Variants in DNAI3 observed in about 807,000 individuals in gnomAD.
DNAI3 encodes WD repeat domain 63.
In DNAI3, 83 loss-of-function variants were observed where a neutral mutation model predicts 115.5. That is an observed-to-expected ratio of 0.72 (90% CI 0.60 to 0.86). DNAI3 has a LOEUF of 0.86. Among genes scored for constraint, DNAI3 ranks in the 40% least tolerant of loss-of-function variants. DNAI3 has a pLI of 0.00. For synonymous variants in DNAI3, 320 were observed against 347.0 expected (o/e 0.92, Z 0.86); for missense variants, 1,004 against 1,075.8 (o/e 0.93, Z 0.93).
intron 12 of DNAI3, 44 bp downstream of exon 12, chr1:85,097,699 A>G (rs773749686): frequency 3.2e-6 from 5 of 1,546,768 alleles, no homozygotes; most frequent in Non-Finnish European, 4.4e-6. Flanking sequence ...TTTCCATTGA[A>G]GAGTTTATGG....
chr1:85,068,457 C>A (rs1344676484), intron 1 of DNAI3, among the ~76,000 whole-genome samples: 1 of 152,188 alleles, frequency 6.6e-6, no homozygotes, highest in African/African-American at 2.4e-5. Flanking sequence ...ATATCACTTT[C>A]ACCTGCCTGA....
intron 16 of DNAI3, among the ~76,000 whole-genome samples, chr1:85,114,622 T>G (rs1259918156): frequency 6.6e-6 from 1 of 152,146 alleles, no homozygotes; most frequent in Non-Finnish European, 1.5e-5. Flanking sequence ...TTTCAAGACT[T>G]TGAGATCAAC....
intron 5 of DNAI3, among the ~76,000 whole-genome samples, chr1:85,084,250 GTATA>G (rs33956396): frequency 0.27 from 22,512 of 84,854 alleles, 2,133 homozygotes; most frequent in East Asian, 0.52. Flanking sequence ...TCAGCAGTGT[GTATA>G]TATATATATA....
intron 11 of DNAI3, 84 bp from the exon 12 acceptor site, chr1:85,097,485 G>C (rs1479214716): frequency 1.2e-5 from 16 of 1,289,094 alleles, no homozygotes; most frequent in Non-Finnish European, 1.7e-5. Flanking sequence ...GACTTATCAG[G>C]CTACAAACCA....
chr1:85,090,066 G>T (rs768342283), intron 7 of DNAI3, 50 bp from the exon 8 acceptor site: 4 of 932,658 alleles, frequency 4.3e-6, no homozygotes, highest in Non-Finnish European at 4.7e-6. Context: ...GCCCATATTT[G>T]CTCTTCTTTG....
chr1:85,094,276 TG>T, intron 9 of DNAI3, 154 bp from the exon 10 acceptor site: 2 of 961,602 alleles, frequency 2.1e-6, no homozygotes, highest in Non-Finnish European at 3.1e-6. Context: ...ATGTAACTAG[TG>T]GCAACCACAT....
chr1:85,117,665 G>A (rs896625564), intron 16 of DNAI3, 64 bp from the exon 17 acceptor site: 36 of 1,590,384 alleles, frequency 2.3e-5, no homozygotes, highest in Non-Finnish European at 3.1e-5. Flanking sequence ...AATGTAAACT[G>A]TCTATATTTT....
chr1:85,085,398 G>C (rs1654767882), intron 6 of DNAI3, among the ~76,000 whole-genome samples: 1 of 152,198 alleles, frequency 6.6e-6, no homozygotes, highest in Non-Finnish European at 1.5e-5. Flanking sequence ...CCCCAGAAGA[G>C]AACATGACAA....
At position 85,093,102 on chromosome 1, in the gene DNAI3, C is replaced by T. The variant is rs753298252; in HGVS notation, c.858-356C>T. 3.7e-4 allele frequency among the ~76,000 whole-genome samples: 56 copies of T among 152,166 alleles called. 1 individual carries two copies. Among genetic ancestry groups the T allele is most frequent in the Non-Finnish European group, 1.2e-4 (8 of 68,028 alleles). On this transcript the variant is annotated intron_variant, in intron 8 of 22. Coordinates refer to ENST00000294664, the MANE Select transcript of DNAI3 (RefSeq NM_145172.5). Reference sequence around the variant, plus strand: ...GCATCAGACAAATTCTCAGCCTACTCAGCAGGAGCTCCAGAGCAAAGATGC... The same window carrying T: ...GCATCAGACAAATTCTCAGCCTACTTAGCAGGAGCTCCAGAGCAAAGATGC...
At chr1:85,084,050 T>C (rs1328687408) in intron 5 of DNAI3, among the ~76,000 whole-genome samples, 6 of 151,334 alleles carry the variant, frequency 4.0e-5, no homozygotes, top group African/African-American at 7.3e-5. Flanking sequence ...TTATAACTGC[T>C]CTATGGAATT....
intron 1 of DNAI3, among the ~76,000 whole-genome samples, chr1:85,070,503 T>A (rs948389101): frequency 6.6e-6 from 1 of 151,984 alleles, no homozygotes; most frequent in African/African-American, 2.4e-5. Flanking sequence ...GTTTTTCTCA[T>A]TATAAAATGG....
chr1:85,097,671 CAT>C lies in DNAI3; in HGVS notation c.1350+17_1350+18del. ...CACACTGAAGGTAAGCTTTTTACAA[CAT>C]TTCACTTGCAAGTTTTTTCCATTGA... On this transcript the variant is annotated intron_variant, in intron 12 of 22. Coordinates refer to ENST00000294664, the MANE Select transcript of DNAI3 (RefSeq NM_145172.5). 1 of 1,596,656 alleles carries C rather than the reference CAT, an allele frequency of 6.3e-7. No homozygotes were observed. The highest frequency in any genetic ancestry group is 8.5e-7 in the Non-Finnish European group (1 of 1,172,638).
intron 14 of DNAI3, among the ~76,000 whole-genome samples, chr1:85,106,611 A>T (rs961679580): frequency 6.6e-6 from 1 of 152,242 alleles, no homozygotes; most frequent in African/African-American, 2.4e-5. Flanking sequence ...GAGGACTCAC[A>T]CTTCCAAATT....
Position 85,084,597 on chromosome 1 carries a change from G to T in DNAI3, c.442G>T (p.Asp148Tyr), listed in dbSNP as rs1451314925. The T allele has an allele frequency of 6.4e-7, 1 of 1,559,362 alleles. No homozygotes were observed. The highest frequency in any genetic ancestry group is 2.4e-5 in the East Asian group (1 of 41,670). The change falls in exon 6 of 23, where the codon GAT becomes TAT. Residue 148 changes from aspartate (D) to tyrosine (Y), a missense_variant. Asp to Tyr is a radical substitution (Grantham distance 160). Transcript: ENST00000294664. ...QEEYKEHIPE[D>Y]VYIYKPPVSK... is the part of the protein sequence containing the mutation. ...AGAATATAAAGAACATATTCCTGAAGATGTGTATATTTATAAACCACCTGT... is the reference window on the plus strand; with the variant it reads ...AGAATATAAAGAACATATTCCTGAATATGTGTATATTTATAAACCACCTGT...
At chr1:85,110,774 TA>T (rs1484096309) in intron 16 of DNAI3, among the ~76,000 whole-genome samples, 1 of 152,182 alleles carries the variant, frequency 6.6e-6, no homozygotes, top group Non-Finnish European at 1.5e-5. Context: ...AATAATGCTA[TA>T]GGATGGAACA....
At chr1:85,116,881 A>G (rs995630231) in intron 16 of DNAI3, among the ~76,000 whole-genome samples, 2 of 152,246 alleles carry the variant, frequency 1.3e-5, no homozygotes, top group African/African-American at 2.4e-5. Context: ...TTGGTTGACT[A>G]TACCAACTAA....
Position 85,067,410 on chromosome 1 carries a change from T to C in DNAI3, c.-14-4518T>C, listed in dbSNP as rs143056555. ...CTAATTTATTGCCAAAAATTTGACT[T>C]TGTTTTTCCCTGAAAACTGGAAACT... is the stretch of plus-strand genomic sequence containing the variant. On this transcript the variant is annotated intron_variant, in intron 1 of 22. Coordinates refer to ENST00000294664, the MANE Select transcript of DNAI3 (RefSeq NM_145172.5). Among the ~76,000 whole-genome samples the C allele has an allele frequency of 1.2e-4, 18 of 152,350 alleles. No individual in the cohort carries two copies. In the East Asian group the frequency reaches 3.5e-3, roughly 29 times the overall value.
At chr1:85,082,171 A>G in intron 4 of DNAI3, 129 bp from the exon 5 acceptor site, 1 of 708,796 alleles carries the variant, frequency 1.4e-6, no homozygotes, top group Non-Finnish European at 2.3e-6. Context: ...TGGTGTTATC[A>G]GCCATAGATT....
intron 14 of DNAI3, among the ~76,000 whole-genome samples, chr1:85,105,827 G>C (rs1201317378): frequency 1.3e-5 from 2 of 152,146 alleles, no homozygotes; most frequent in Non-Finnish European, 2.9e-5. Flanking sequence ...TAACTGGAAG[G>C]GGTGTGCCTG....
Sources: allele counts gnomAD v4.1 joint callset (sites outside exome capture counted in the v4.1 genomes callset), GRCh38; gene constraint gnomAD v4.1.1; transcripts MANE v1.5; gene names NCBI Gene and HGNC (gene_info 2026-07-23, HGNC 2026-07-21).